SNAP91: variants seen among roughly 807,000 people sequenced by gnomAD.
SNAP91 encodes the protein synaptosome associated protein 91.
A neutral mutation model predicts 100.3 loss-of-function variants in SNAP91; 27 were observed. That is an observed-to-expected ratio of 0.27 (90% confidence interval 0.20 to 0.37). The LOEUF is 0.37. SNAP91 is among the 10% of genes least tolerant of loss of function. The pLI is 1.00. For synonymous variants in SNAP91, 404 were observed against 398.6 expected, an observed-to-expected ratio of 1.01 and a Z score of -0.16; for missense variants, 986 against 1,123.7, an observed-to-expected ratio of 0.88 and a Z score of 1.75.
At chr6:83,619,107 A>G (rs2096611577) in intron 9 of SNAP91, among the ~76,000 whole-genome samples, 1 of 123,914 alleles carries the variant, frequency 8.1e-6, no homozygotes, top group African/African-American at 2.8e-5. Flanking sequence ...AAATAAGTAG[A>G]AGTCACAAAA....
intron 7 of SNAP91, among the ~76,000 whole-genome samples, chr6:83,643,491 G>A (rs1365755878): frequency 6.6e-6 from 1 of 152,162 alleles, no homozygotes; most frequent in Non-Finnish European, 1.5e-5. Flanking sequence ...TCAAAGATCA[G>A]ATAGTTGTAG....
intron 2 of SNAP91, among the ~76,000 whole-genome samples, chr6:83,707,260 T>TCACACA (rs572573261): frequency 6.7e-6 from 1 of 150,262 alleles, no homozygotes; most frequent in Admixed American, 6.6e-5. Flanking sequence ...GTAACATACC[T>TCACACA]CACACACACA....
chr6:83,674,096 AC>A (rs2098826504), intron 2 of SNAP91, among the ~76,000 whole-genome samples: 1 of 151,874 alleles, frequency 6.6e-6, no homozygotes, highest in South Asian at 2.1e-4. Context: ...TGAAAATCAA[AC>A]CCTGGAAGTA....
At chr6:83,578,122 T>C (rs1264161359) in intron 24 of SNAP91, among the ~76,000 whole-genome samples, 2 of 152,136 alleles carry the variant, frequency 1.3e-5, no homozygotes, top group African/African-American at 2.4e-5. Flanking sequence ...ATTCATCAAG[T>C]GATGAACATT....
intron 4 of SNAP91, 47 bp downstream of exon 4, chr6:83,662,299 CA>C: frequency 2.4e-6 from 2 of 843,160 alleles, no homozygotes; most frequent in African/African-American, 1.8e-5. Flanking sequence ...AGCCTCACTT[CA>C]AAAATCAAAG....
chr6:83,580,613 A>G lies in SNAP91; in HGVS notation c.2150-14T>C, dbSNP rs1826742024. ...GACCATCAAACACTGGAAATCAAAT[A>G]GACTAGGTTCAGAATAATTGAAAAC... On this transcript the variant is annotated splice_polypyrimidine_tract_variant and intron_variant, in intron 23 of 29. Transcript: ENST00000369694. The G allele has an allele frequency of 4.4e-6, 7 of 1,597,710 alleles. No homozygotes were observed. The East Asian group carries it at 1.6e-4, about 36-fold the overall frequency.
chr6:83,660,357 G>C (rs750106334), intron 5 of SNAP91, among the ~76,000 whole-genome samples: 1 of 152,176 alleles, frequency 6.6e-6, no homozygotes, highest in Non-Finnish European at 1.5e-5. Flanking sequence ...GAATAGGCAA[G>C]TTGATGTTTT....
chr6:83,691,811 T>C lies in SNAP91; in HGVS notation c.130+15987A>G, dbSNP rs900923837. On this transcript the variant is annotated intron_variant, in intron 2 of 29. Coordinates refer to ENST00000369694, the MANE Select transcript of SNAP91 (RefSeq NM_001242792.2). The stretch of plus-strand genomic sequence containing the variant: ...ACCTAAATATTTGAAAAGTGTAAAG[T>C]AATATCTAAAAAATGCTAAGTCCAA... Among the ~76,000 whole-genome samples the C allele has an allele frequency of 5.5e-4, 84 of 152,256 alleles. 1 individual carries two copies. The highest frequency in any genetic ancestry group is 1.9e-3 in the African/African-American group (78 of 41,552).
At chr6:83,673,798 G>T (rs1424145136) in intron 2 of SNAP91, among the ~76,000 whole-genome samples, 1 of 152,214 alleles carries the variant, frequency 6.6e-6, no homozygotes, top group Non-Finnish European at 1.5e-5. Context: ...CAAAATGCCA[G>T]ACAGGTGCAA....
chr6:83,634,526 C>A (rs1385542345), intron 8 of SNAP91, among the ~76,000 whole-genome samples: 1 of 152,090 alleles, frequency 6.6e-6, no homozygotes, highest in East Asian at 1.9e-4. Flanking sequence ...TGCAGTCATT[C>A]TGGAGCAAAA....
intron 24 of SNAP91, among the ~76,000 whole-genome samples, chr6:83,579,335 T>C (rs2128109769): frequency 2.6e-5 from 4 of 152,244 alleles, no homozygotes; most frequent in South Asian, 2.1e-4. Context: ...GGATACATTA[T>C]AGTATGCAGA....
At chr6:83,623,469 ACT>A in intron 8 of SNAP91, 127 bp from the exon 9 acceptor site, 1 of 677,980 alleles carries the variant, frequency 1.5e-6, no homozygotes, top group Non-Finnish European at 2.6e-6. Flanking sequence ...TTTATGTATC[ACT>A]CTCACTTGGA....
In SNAP91 at chr6:83,662,352, G is replaced by T; in HGVS notation, c.344C>A (p.Ser115Tyr). The change falls in exon 4 of 30, where the codon TCC becomes TAC. Residue 115 changes from serine to tyrosine, a missense_variant. Ser to Tyr is a moderately radical substitution (Grantham distance 144). Transcript: ENST00000369694. ...TAAAATACAAATATTCTCACCATGG[G>T]ATCCACTTTTGTCCAAAAAATTGCT... ...NLSNFLDKSG[S>Y]HGYDMSTFIR... The T allele has an allele frequency of 1.4e-6, 2 of 1,406,368 alleles. No homozygotes were observed. Among genetic ancestry groups the T allele is most frequent in the Non-Finnish European group, 1.9e-6 (2 of 1,055,246 alleles). 87.1% of individuals were successfully genotyped at this position (1,406,368 alleles called of 1,614,324 possible).
chr6:83,565,092 A>C (rs547773226), intron 26 of SNAP91, among the ~76,000 whole-genome samples: 1 of 151,700 alleles, frequency 6.6e-6, no homozygotes, highest in African/African-American at 2.4e-5. Context: ...AAATGGGCTA[A>C]GGATGTTATA....
rs70987765 is a variant in SNAP91 at position 83,707,536 on chromosome 6, CGTGTGT to C, written c.130+256_130+261del. ...TCTTGTGTGTGTGTATATACATATG[CGTGTGT>C]GTGTGTGTGTGTGTGTGTATTTTTC... On this transcript the variant is annotated intron_variant, in intron 2 of 29. Transcript: ENST00000369694. Among the ~76,000 whole-genome samples the C allele has an allele frequency of 3.7e-4, 55 of 149,064 alleles. No homozygotes were observed. The East Asian group carries it at 7.2e-3, about 19-fold the overall frequency.
intron 14 of SNAP91, among the ~76,000 whole-genome samples, chr6:83,605,339 C>T (rs1462129294): frequency 6.6e-6 from 1 of 152,114 alleles, no homozygotes; most frequent in Non-Finnish European, 1.5e-5. Context: ...AAGGGGAATA[C>T]TCAATCCTCA....
At chr6:83,614,564 TAAAC>T (rs759631799) in intron 11 of SNAP91, among the ~76,000 whole-genome samples, 1 of 152,128 alleles carries the variant, frequency 6.6e-6, no homozygotes, top group African/African-American at 2.4e-5. Context: ...TTTTGTTTAC[TAAAC>T]AAATAAAAAA....
chr6:83,663,808 T>C lies in SNAP91; in HGVS notation c.274-1386A>G, dbSNP rs530840536. ...TCAATGTAGATAAAGCAGCCTTCAATTGGAAGAAGATGCCATCTAGAACTT... is the reference window on the plus strand; with the variant it reads ...TCAATGTAGATAAAGCAGCCTTCAACTGGAAGAAGATGCCATCTAGAACTT... On this transcript the variant is annotated intron_variant, in intron 3 of 29. Coordinates refer to ENST00000369694, the MANE Select transcript of SNAP91 (RefSeq NM_001242792.2). 1.7e-4 allele frequency among the ~76,000 whole-genome samples: 26 copies of C among 152,228 alleles called. No individual in the cohort carries two copies. In the South Asian group the frequency reaches 2.1e-3, roughly 12 times the overall value.
Position 83,607,744 on chromosome 6 carries a change from G to A in SNAP91, c.977C>T (p.Pro326Leu). 1 of 1,595,740 alleles carries A rather than the reference G, an allele frequency of 6.3e-7. No individual in the cohort carries two copies. The change falls in exon 13 of 30, where the codon CCA (proline) becomes CTA (leucine). Residue 326 changes from proline (P) to leucine (L), a missense_variant. Physicochemically the swap from Pro to Leu is moderately conservative, Grantham distance 98. Transcript: ENST00000369694. ...TGCAGTTGCAAATAAATCAACCGGT[G>A]GGGATGTGTCAATAGTTTTAGCTGG... ...STPAKTIDTSPPVDLFATASA... is the reference protein window; with the variant it reads ...STPAKTIDTSLPVDLFATASA...
Sources: allele counts gnomAD v4.1 joint callset (sites outside exome capture counted in the v4.1 genomes callset), GRCh38; gene constraint gnomAD v4.1.1; transcripts MANE v1.5; gene names NCBI Gene and HGNC (gene_info 2026-07-23, HGNC 2026-07-21).